GAS7: variants seen among roughly 807,000 people sequenced by gnomAD.
The protein encoded by GAS7 is growth arrest specific 7, also known as growth arrest-specific protein 7.
In GAS7, 28 loss-of-function variants were observed where a neutral mutation model predicts 71.1. The observed-to-expected ratio is 0.39, with a 90% CI of 0.29 to 0.54. The LOEUF (loss-of-function observed/expected upper bound fraction) is 0.54. Among genes scored for constraint, GAS7 ranks in the 20% least tolerant of loss-of-function variants. The pLI, the probability that GAS7 is intolerant of heterozygous loss-of-function variation, is 0.62. For synonymous variants in GAS7, 258 were observed against 245.8 expected, an observed-to-expected ratio of 1.05 and a Z score of -0.46; for missense variants, 436 against 627.8, an observed-to-expected ratio of 0.69 and a Z score of 3.27.
rs775737847 is a variant in GAS7, at chr17:9,946,923, T to C, written c.586A>G (p.Thr196Ala). 7 of 1,612,598 alleles carry C rather than the reference T, an allele frequency of 4.3e-6. No individual in the cohort carries two copies. The African/African-American group carries it at 6.7e-5, about 15-fold the overall frequency. Residue 196 changes from threonine (T) to alanine (A), a missense_variant, in exon 6 of 14, where the codon ACC becomes GCC. Physicochemically the swap from Thr to Ala is moderately conservative, Grantham distance 58. Transcript: ENST00000432992. Reference sequence around the variant, plus strand: ...AAGTAGTCGCAGTAGCTCCACTCGGTTGGTTTCAGCAGCTGCTGTTCCGGC... The same window carrying C: ...AAGTAGTCGCAGTAGCTCCACTCGGCTGGTTTCAGCAGCTGCTGTTCCGGC... Reference protein sequence around the residue: ...TMPEQQLLKPTEWSYCDYFWA... With the variant: ...TMPEQQLLKPAEWSYCDYFWA...
chr17:10,040,196 TG>T (rs1361063326), intron 1 of GAS7, among the ~76,000 whole-genome samples: 2 of 152,172 alleles, frequency 1.3e-5, no homozygotes, highest in African/African-American at 2.4e-5. Context: ...TGCGAGAGAT[TG>T]GGCAGGATGG....
At chr17:9,941,972 G>T (rs2068618905) in intron 7 of GAS7, among the ~76,000 whole-genome samples, 1 of 152,126 alleles carries the variant, frequency 6.6e-6, no homozygotes, top group African/African-American at 2.4e-5. Context: ...AATATTTTTG[G>T]TCTGGCACAG....
At chr17:10,113,324 C>CCGA (rs1242011840) in intron 1 of GAS7, among the ~76,000 whole-genome samples, 1 of 152,188 alleles carries the variant, frequency 6.6e-6, no homozygotes, top group African/African-American at 2.4e-5. Flanking sequence ...TCCAACCTTT[C>CCGA]AACCTCAGAA....
chr17:10,169,465 A>G (rs1398593829), intron 1 of GAS7, among the ~76,000 whole-genome samples: 1 of 152,158 alleles, frequency 6.6e-6, no homozygotes, highest in Non-Finnish European at 1.5e-5. Context: ...TAACAACACC[A>G]GGAAGGGTGC....
intron 5 of GAS7, among the ~76,000 whole-genome samples, chr17:9,955,628 G>A (rs958717980): frequency 4.6e-5 from 7 of 152,178 alleles, no homozygotes; most frequent in Non-Finnish European, 8.8e-5. Context: ...TTCAGTCTAG[G>A]CTCTTAGCCT....
intron 2 of GAS7, among the ~76,000 whole-genome samples, chr17:10,009,636 A>C (rs1277671329): frequency 4.7e-5 from 7 of 150,270 alleles, no homozygotes; most frequent in Non-Finnish European, 8.9e-5. Context: ...CCCGGAGTTC[A>C]AGACCAGCCT....
intron 1 of GAS7, among the ~76,000 whole-genome samples, chr17:10,033,142 C>T (rs1027129393): frequency 6.6e-6 from 1 of 152,122 alleles, no homozygotes; most frequent in African/African-American, 2.4e-5. Flanking sequence ...TAGTTGATAT[C>T]TATAACGATA....
chr17:9,960,581 G>T (rs1009733778), intron 4 of GAS7, among the ~76,000 whole-genome samples: 1 of 152,178 alleles, frequency 6.6e-6, no homozygotes, highest in African/African-American at 2.4e-5. Context: ...CAACAAGAAG[G>T]AACCACCGGC....
At chr17:9,924,886 C>T (rs2067940088) in intron 11 of GAS7, 1 of 152,194 alleles carries the variant, frequency 6.6e-6, no homozygotes, top group South Asian at 2.1e-4. Context: ...CCTTCTCTTC[C>T]TCTTTGTGTA....
At chr17:10,145,486 C>T (rs1039958177) in intron 1 of GAS7, among the ~76,000 whole-genome samples, 1 of 152,196 alleles carries the variant, frequency 6.6e-6, no homozygotes, top group African/African-American at 2.4e-5. Context: ...TTGGATGAAA[C>T]CTTACAAGGC....
chr17:10,036,393 A>G (rs1448996475), intron 1 of GAS7: 1 of 1,484,482 alleles, frequency 6.7e-7, no homozygotes, highest in South Asian at 1.1e-5. Flanking sequence ...AGAAAAGCAA[A>G]CTGGAGCATA....
chr17:9,991,022 T>C (rs1171047218), intron 2 of GAS7, among the ~76,000 whole-genome samples: 1 of 152,206 alleles, frequency 6.6e-6, no homozygotes, highest in Admixed American at 6.5e-5. Context: ...TTCCTGGTGT[T>C]GAGGACAGGA....
chr17:10,188,718 A>G lies in GAS7; in HGVS notation c.183+9490T>C, dbSNP rs144420392. Among the ~76,000 whole-genome samples, 991 of 152,320 alleles carry G rather than the reference A, an allele frequency of 6.5e-3. 8 individuals are homozygous for G. Among genetic ancestry groups the G allele is most frequent in the Middle Eastern group, 0.024 (7 of 294 alleles). ...CAGTGGTGCAGTCTTGGCTCACTGC[A>G]GCTTTGACCTCCCGGGTTCAAGCGA... On this transcript the variant is annotated intron_variant, in intron 1 of 13. Transcript: ENST00000432992.
chr17:9,933,930 T>A (rs983124917), intron 9 of GAS7, among the ~76,000 whole-genome samples: 2 of 151,890 alleles, frequency 1.3e-5, no homozygotes, highest in Non-Finnish European at 2.9e-5. Flanking sequence ...TTTTCCATGC[T>A]CTTGGTGGAT....
At chr17:10,014,442 G>T (rs932591789) in intron 2 of GAS7, among the ~76,000 whole-genome samples, 6 of 152,140 alleles carry the variant, frequency 3.9e-5, no homozygotes, top group African/African-American at 1.4e-4. Context: ...ATTTCCCATG[G>T]ATTCCCGCTG....
chr17:10,042,836 A>T (rs967973787), intron 1 of GAS7, among the ~76,000 whole-genome samples: 1 of 152,228 alleles, frequency 6.6e-6, no homozygotes, highest in African/African-American at 2.4e-5. Flanking sequence ...AGGACGGGAC[A>T]TAAGGAAATG....
intron 1 of GAS7, among the ~76,000 whole-genome samples, chr17:10,030,525 C>A (rs1340479154): frequency 6.6e-6 from 1 of 152,190 alleles, no homozygotes; most frequent in African/African-American, 2.4e-5. Context: ...CAGCAAGAAG[C>A]CACAAGAGCC....
Position 9,981,516 on chromosome 17 carries a change from C to T in GAS7, c.385+288G>A, listed in dbSNP as rs2070408718. ...TCTGTCCACACTTCAGGTCTTCCTG[C>T]CCCTGACAGACAGGAAAGAGCTCTG... is the stretch of plus-strand genomic sequence containing the variant. On this transcript the variant is annotated intron_variant, in intron 3 of 13. Coordinates refer to ENST00000432992, the MANE Select transcript of GAS7 (RefSeq NM_201433.2). The surrounding 1 kb of genome is among the most constrained non-coding windows in gnomAD (Gnocchi z 4.4). 6.6e-6 allele frequency among the ~76,000 whole-genome samples: 1 copy of T among 152,144 alleles called. No homozygotes were observed. Among genetic ancestry groups the T allele is most frequent in the Non-Finnish European group, 1.5e-5 (1 of 68,028 alleles).
At chr17:10,047,350 C>T (rs11656239) in intron 1 of GAS7, among the ~76,000 whole-genome samples, 21,247 of 152,138 alleles carry the variant, frequency 0.14, 1,612 homozygotes, top group Middle Eastern at 0.2. Context: ...AATTCGAAAA[C>T]AGAAACTGGA....
Sources: allele counts gnomAD v4.1 joint callset (sites outside exome capture counted in the v4.1 genomes callset), GRCh38; gene constraint gnomAD v4.1.1; non-coding constraint Gnocchi (gnomAD v3.1); transcripts MANE v1.5; gene names NCBI Gene and HGNC (gene_info 2026-07-23, HGNC 2026-07-21).